The following SEMA5B variants were observed in gnomAD, a reference collection of about 807,000 sequenced individuals.
SEMA5B encodes semaphorin-5B.
A neutral mutation model predicts 135.0 loss-of-function variants in SEMA5B; 66 were observed. The observed-to-expected ratio is 0.49, with a 90% CI of 0.40 to 0.60. The LOEUF (loss-of-function observed/expected upper bound fraction) is 0.60, where lower values mean the gene tolerates loss of function less well. SEMA5B is among the 20% of genes least tolerant of loss of function. SEMA5B has a pLI of 0.00. For synonymous variants in SEMA5B, 690 were observed against 639.5 expected (o/e 1.08, Z -1.19); for missense variants, 1,501 against 1,566.3 (o/e 0.96, Z 0.70).
intron 2 of SEMA5B, among the ~76,000 whole-genome samples, chr3:122,951,597 GTC>G (rs1022450930): frequency 5.9e-5 from 9 of 152,170 alleles, no homozygotes; most frequent in Non-Finnish European, 1.3e-4. Context: ...TCTCGCAAAG[GTC>G]TCTAACCCAG....
At chr3:122,912,407 C>A in intron 18 of SEMA5B, 65 bp from the exon 19 acceptor site, 1 of 1,415,362 alleles carries the variant, frequency 7.1e-7, no homozygotes, top group African/African-American at 1.4e-5. Context: ...GTCTTCCATC[C>A]CATACCAGCC....
intron 1 of SEMA5B, among the ~76,000 whole-genome samples, chr3:122,985,929 T>C (rs1453901510): frequency 6.6e-6 from 1 of 152,204 alleles, no homozygotes; most frequent in Non-Finnish European, 1.5e-5. Context: ...TCTTCAGTTT[T>C]CAGGACTCTG....
chr3:122,998,477 C>A (rs115677473), intron 1 of SEMA5B, among the ~76,000 whole-genome samples: 19 of 152,308 alleles, frequency 1.2e-4, no homozygotes, highest in African/African-American at 4.1e-4. Context: ...ATCTATTTCA[C>A]CAGATGTGAG....
intron 1 of SEMA5B, chr3:122,992,640 A>T (rs549143690): frequency 6.6e-6 from 1 of 152,328 alleles, no homozygotes; most frequent in African/African-American, 2.4e-5. Flanking sequence ...CCTGCTCCCT[A>T]GATCTCCCAC....
intron 8 of SEMA5B, 27 bp from the exon 9 acceptor site, chr3:122,926,704 G>A (rs1192696526): frequency 5.6e-6 from 9 of 1,604,144 alleles, no homozygotes; most frequent in Non-Finnish European, 6.8e-6. Context: ...GGAACAAGGG[G>A]CAGGGCAGGC....
intron 14 of SEMA5B, among the ~76,000 whole-genome samples, chr3:122,914,759 C>T (rs1163099076): frequency 6.6e-6 from 1 of 152,136 alleles, no homozygotes; most frequent in African/African-American, 2.4e-5. Context: ...TATAGTGAGA[C>T]TCCTGTTTCT....
In SEMA5B at chr3:122,943,503, G is replaced by C. The variant is rs1224192069; in HGVS notation, c.361C>G (p.Pro121Ala). 6.2e-7 allele frequency: 1 copy of C among 1,609,928 alleles called. No individual in the cohort carries two copies. Among genetic ancestry groups the C allele is most frequent in the Non-Finnish European group, 8.5e-7 (1 of 1,178,806 alleles). Residue 121 changes from proline (P) to alanine (A), a missense_variant, in exon 4 of 23, where the codon CCT becomes GCT. Around this residue, in one of 2 missense-constraint regions of SEMA5B, gnomAD observed 574 missense variants for 684.7 expected, o/e 0.84. Transcript: ENST00000357599. ...LQPWVSNFTY[P>A]GARDFSQLAL... ...AGCTGGGAGAAATCCCGGGCTCCAG[G>C]GTAGGTGAAGTTAGAGACCCACGGC...
At chr3:122,966,989 A>G (rs1940878481) in intron 1 of SEMA5B, among the ~76,000 whole-genome samples, 1 of 150,946 alleles carries the variant, frequency 6.6e-6, no homozygotes, top group South Asian at 2.1e-4. Context: ...GGTTCAAGCG[A>G]TTCTCCTGCC....
In SEMA5B at chr3:122,922,016, G is replaced by GCGCAGGCTT; in HGVS notation, c.1586_1587insAAGCCTGCG (p.Ser530_Arg532dup). The GCGCAGGCTT allele has an allele frequency of 6.6e-7, 1 of 1,516,764 alleles. No individual in the cohort carries two copies. The highest frequency in any genetic ancestry group is 8.8e-7 in the Non-Finnish European group (1 of 1,135,326). The allele number at this position is 1,516,764 out of a possible 1,614,324, so 94.0% of individuals were successfully genotyped here. On this transcript the variant is annotated inframe_insertion, in exon 12 of 23. Transcript: ENST00000357599. ...GGGCGCTGTGCAGGATGCGCAGGCTGCGCAGGGGCTCGCGGCGCCCGGGGG... is the reference window on the plus strand; with the variant it reads ...GGGCGCTGTGCAGGATGCGCAGGCTGCGCAGGCTTCGCAGGGGCTCGCGGCGCCCGGGGG...
chr3:122,964,192 C>T (rs1297506020), intron 1 of SEMA5B, among the ~76,000 whole-genome samples: 3 of 152,220 alleles, frequency 2.0e-5, no homozygotes, highest in Non-Finnish European at 4.4e-5. Flanking sequence ...TCCTGACTCA[C>T]GTTTCAACAT....
intron 12 of SEMA5B, among the ~76,000 whole-genome samples, chr3:122,920,049 G>A (rs1404062359): frequency 6.6e-6 from 1 of 152,114 alleles, no homozygotes. Context: ...GCCATACTAG[G>A]CCACCTGGAC....
chr3:122,950,986 T>A (rs972188221), intron 2 of SEMA5B, among the ~76,000 whole-genome samples: 11 of 152,334 alleles, frequency 7.2e-5, no homozygotes, highest in Middle Eastern at 3.4e-3. Context: ...CAGGTTGGAA[T>A]GCAGTGGCAC....
Position 123,027,754 on chromosome 3 carries a change from G to C in SEMA5B, c.-329C>G, listed in dbSNP as rs1218525722. Reference sequence around the variant, plus strand: ...TAGCTCCCGACCCGGCGCTCGGAGAGAGCAGGGAGGAGGAGACCGCGGGAG... The same window carrying C: ...TAGCTCCCGACCCGGCGCTCGGAGACAGCAGGGAGGAGGAGACCGCGGGAG... On this transcript the variant is annotated 5_prime_UTR_variant, in exon 1 of 23. Coordinates refer to ENST00000357599, the MANE Select transcript of SEMA5B (RefSeq NM_001031702.4). The C allele has an allele frequency of 4.6e-5, 7 of 152,260 alleles. No individual in the cohort carries two copies. The highest frequency in any genetic ancestry group is 8.8e-5 in the Non-Finnish European group (6 of 68,114). 9.4% of individuals were successfully genotyped at this position (152,260 alleles called of 1,614,324 possible).
Position 122,922,437 on chromosome 3 carries a change from A to G in SEMA5B, c.1283T>C (p.Leu428Pro). ...GTTCTCGTTGGGACCGGTCTCAGGC[A>G]GGGTGCCACACTGCCGCGGGGAGCC... is the stretch of plus-strand genomic sequence containing the variant. ...NPIPNFQCGT[L>P]PETGPNENLT... The change falls in exon 11 of 23, where the codon CTG (leucine) becomes CCG (proline). Residue 428 changes from leucine to proline, a missense_variant. Physicochemically the swap from Leu to Pro is moderately conservative, Grantham distance 98. This residue lies in a region of SEMA5B where 574 missense variants were observed against 684.7 expected (regional missense o/e 0.84). Transcript: ENST00000357599. 5 of 1,602,584 alleles carry G rather than the reference A, an allele frequency of 3.1e-6. No individual in the cohort carries two copies. The highest frequency in any genetic ancestry group is 2.3e-5 in the East Asian group (1 of 44,218).
At chr3:122,944,870 C>T (rs1466317825) in intron 3 of SEMA5B, among the ~76,000 whole-genome samples, 5 of 152,136 alleles carry the variant, frequency 3.3e-5, no homozygotes, top group South Asian at 4.2e-4. Flanking sequence ...AAGGAGAGAG[C>T]CATGGAGCAG....
intron 1 of SEMA5B, among the ~76,000 whole-genome samples, chr3:122,982,684 T>C (rs1941556416): frequency 6.6e-6 from 1 of 152,100 alleles, no homozygotes; most frequent in African/African-American, 2.4e-5. Context: ...GATCCCTTCA[T>C]GCACCACCCC....
chr3:122,963,208 C>T (rs1402249616), intron 1 of SEMA5B, among the ~76,000 whole-genome samples: 1 of 152,156 alleles, frequency 6.6e-6, no homozygotes, highest in Non-Finnish European at 1.5e-5. Context: ...AGATAAGAAT[C>T]CAAACTGGCC....
At chr3:123,009,266 T>C (rs1441879801) in intron 1 of SEMA5B, among the ~76,000 whole-genome samples, 1 of 152,170 alleles carries the variant, frequency 6.6e-6, no homozygotes, top group South Asian at 2.1e-4. Context: ...CCCTACTTTC[T>C]TCTCCATTCC....
chr3:123,020,684 C>G (rs1942655063), intron 1 of SEMA5B, among the ~76,000 whole-genome samples: 1 of 152,108 alleles, frequency 6.6e-6, no homozygotes, highest in Non-Finnish European at 1.5e-5. Flanking sequence ...ATTCGAAGCT[C>G]AAAAAAATAC....
Sources: gnomAD v4.1 joint callset for allele counts (sites outside exome capture counted in the v4.1 genomes callset) on GRCh38, gnomAD v4.1.1 for gene constraint, gnomAD v4.1.1 regional missense constraint, MANE v1.5 for transcripts, NCBI Gene and HGNC (gene_info 2026-07-23, HGNC 2026-07-21) for gene names.